NAV3: variants seen among roughly 807,000 people sequenced by gnomAD.
NAV3 encodes the protein pore membrane and/or filament interacting like protein 1.
Under a neutral mutation model 244.7 loss-of-function variants are expected in NAV3, and 87 were observed. The ratio of observed to expected loss-of-function variants is 0.36; its 90% CI spans 0.30 to 0.42. The LOEUF is 0.42. Ranked by LOEUF, NAV3 falls within the 20% of genes least tolerant of loss-of-function variation. The pLI, the probability that NAV3 is intolerant of heterozygous loss-of-function variation, is 1.00. For missense variants in NAV3, 2,663 were observed against 2,893.3 expected, an observed-to-expected ratio of 0.92 and a Z score of 1.83; for synonymous variants, 1,126 against 1,042.2, an observed-to-expected ratio of 1.08 and a Z score of -1.55.
At chr12:77,960,450 TACACACAC>T (rs35625985) in intron 3 of NAV3, among the ~76,000 whole-genome samples, 23 of 144,400 alleles carry the variant, frequency 1.6e-4, no homozygotes, top group African/African-American at 4.8e-4. Context: ...TATATATATA[TACACACAC>T]ACACACACAC....
Position 78,109,326 on chromosome 12 carries a change from C to G in NAV3, c.2637-7446C>G, listed in dbSNP as rs138011166. Among the ~76,000 whole-genome samples the G allele has an allele frequency of 2.4e-3, 367 of 152,076 alleles. 3 individuals are homozygous for G. The highest frequency in any genetic ancestry group is 8.6e-3 in the African/African-American group (356 of 41,536). ...CAGTAATAAAAAACATCTCCCAACT[C>G]TTTTAAAGCTTTGGACCAAATAGCA... is the stretch of plus-strand genomic sequence containing the variant. On this transcript the variant is annotated intron_variant, in intron 12 of 39. Coordinates refer to ENST00000397909, the MANE Select transcript of NAV3 (RefSeq NM_001024383.2).
At chr12:77,680,976 G>T (rs974469206) in intron 2 of NAV3, among the ~76,000 whole-genome samples, 1 of 152,048 alleles carries the variant, frequency 6.6e-6, no homozygotes, top group East Asian at 1.9e-4. Flanking sequence ...ATCCGATTTT[G>T]GGGGGAGGGG....
intron 20 of NAV3, among the ~76,000 whole-genome samples, chr12:78,144,616 T>C (rs982618445): frequency 2.0e-5 from 3 of 151,960 alleles, no homozygotes; most frequent in Admixed American, 1.3e-4. Context: ...ATGTATATAA[T>C]AGATATTTAA....
intron 1 of NAV3, among the ~76,000 whole-genome samples, chr12:77,838,077 C>T (rs1014310271): frequency 7.2e-5 from 11 of 152,262 alleles, no homozygotes; most frequent in Non-Finnish European, 1.2e-4. Context: ...GGTCCCCAGA[C>T]GATTCTGCTT....
rs117720243 is a variant in NAV3, at chr12:78,156,894, T to A, written c.4786-2309T>A. Among the ~76,000 whole-genome samples, 1,230 of 152,194 alleles carry A rather than the reference T, an allele frequency of 8.1e-3. 11 individuals carry two copies. The highest frequency in any genetic ancestry group is 0.025 in the South Asian group (123 of 4,828). On this transcript the variant is annotated intron_variant, in intron 22 of 39. Transcript: ENST00000397909. ...AAACTAACTTATGCTACATACCACA[T>A]GGATGAATCTCAAAACCCATGTAAA...
At chr12:78,105,919 C>A (rs1295703467) in intron 12 of NAV3, among the ~76,000 whole-genome samples, 2 of 151,346 alleles carry the variant, frequency 1.3e-5, no homozygotes, top group East Asian at 1.9e-4. Flanking sequence ...AAATTTCTAA[C>A]AAATATTTAC....
intron 2 of NAV3, among the ~76,000 whole-genome samples, chr12:77,793,850 C>T (rs140331993): frequency 3.9e-5 from 6 of 152,196 alleles, no homozygotes; most frequent in East Asian, 1.9e-4. Context: ...GTAATGGGAT[C>T]GCTGGGTCAA....
At chr12:77,746,989 G>T (rs1293292292) in intron 2 of NAV3, among the ~76,000 whole-genome samples, 1 of 152,058 alleles carries the variant, frequency 6.6e-6, no homozygotes, top group African/African-American at 2.4e-5. Flanking sequence ...TATGATTTTG[G>T]TCTCCTAAAA....
At chr12:78,008,100 T>C (rs1001092564) in intron 8 of NAV3, among the ~76,000 whole-genome samples, 13 of 152,208 alleles carry the variant, frequency 8.5e-5, no homozygotes, top group African/African-American at 2.2e-4. Flanking sequence ...ATGTTATTTA[T>C]AAGATATTAC....
chr12:78,174,000 A>G (rs1031996087), intron 24 of NAV3, among the ~76,000 whole-genome samples: 2 of 151,816 alleles, frequency 1.3e-5, no homozygotes, highest in Non-Finnish European at 3.0e-5. Flanking sequence ...AAATCAGTCA[A>G]TTGAAGAGGC....
At chr12:77,734,884 AG>A (rs1380030683) in intron 2 of NAV3, among the ~76,000 whole-genome samples, 2 of 152,190 alleles carry the variant, frequency 1.3e-5, no homozygotes, top group Non-Finnish European at 2.9e-5. Context: ...GAAGGGCAGG[AG>A]CAAGGTTATT....
chr12:78,095,410 T>C (rs1041933342), intron 12 of NAV3, among the ~76,000 whole-genome samples: 48 of 152,134 alleles, frequency 3.2e-4, no homozygotes, highest in Non-Finnish European at 1.2e-4. Context: ...TTGTACATGT[T>C]TAACAAGAAA....
At chr12:77,948,647 T>G (rs2137604023) in intron 3 of NAV3, among the ~76,000 whole-genome samples, 1 of 151,572 alleles carries the variant, frequency 6.6e-6, no homozygotes, top group East Asian at 1.9e-4. Context: ...AGTTGGTGTT[T>G]TTAAGGAACT....
intron 18 of NAV3, among the ~76,000 whole-genome samples, chr12:78,129,744 A>G (rs1246566681): frequency 6.6e-6 from 1 of 152,174 alleles, no homozygotes; most frequent in East Asian, 1.9e-4. Context: ...GAGTATTGAT[A>G]CATAATCTTA....
At chr12:77,985,010 G>C (rs1617080) in intron 5 of NAV3, among the ~76,000 whole-genome samples, 81,611 of 151,954 alleles carry the variant, frequency 0.54, 22,701 homozygotes, top group East Asian at 0.73. Context: ...TACAGACAGG[G>C]TTTCAACGTG....
intron 1 of NAV3, among the ~76,000 whole-genome samples, chr12:77,853,115 A>G (rs1877802973): frequency 6.6e-6 from 1 of 152,222 alleles, no homozygotes; most frequent in African/African-American, 2.4e-5. Flanking sequence ...ATGCATCTTC[A>G]GTTGCTCCAC....
intron 1 of NAV3, among the ~76,000 whole-genome samples, chr12:77,889,657 A>G (rs1011403779): frequency 2.0e-5 from 3 of 152,172 alleles, no homozygotes; most frequent in Admixed American, 2.0e-4. Flanking sequence ...ATTCATATTC[A>G]TGACTTTTCT....
chr12:77,859,581 C>A (rs1424284165), intron 1 of NAV3, among the ~76,000 whole-genome samples: 1 of 147,308 alleles, frequency 6.8e-6, no homozygotes, highest in Non-Finnish European at 1.5e-5. Flanking sequence ...TACTAACCTG[C>A]ACAATGTGCA....
chr12:77,904,609 G>A (rs143125963), intron 1 of NAV3, among the ~76,000 whole-genome samples: 2,467 of 152,088 alleles, frequency 0.016, 29 homozygotes, highest in Non-Finnish European at 0.023. Context: ...AAACCTGCAC[G>A]TTGTGCACAT....
Sources: gnomAD v4.1 joint callset for allele counts (sites outside exome capture counted in the v4.1 genomes callset) on GRCh38, gnomAD v4.1.1 for gene constraint, MANE v1.5 for transcripts, NCBI Gene and HGNC (gene_info 2026-07-23, HGNC 2026-07-21) for gene names.